Variants in PSPC1 observed in about 807,000 individuals in gnomAD.
The protein encoded by PSPC1 is paraspeckle component 1, also known as paraspeckle protein 1.
In PSPC1, 14 loss-of-function variants were observed where a neutral mutation model predicts 51.6. That is an observed-to-expected ratio of 0.27 (90% confidence interval 0.18 to 0.42). The LOEUF is 0.42. PSPC1 is among the 10% of genes least tolerant of loss of function. PSPC1 has a pLI of 1.00. For synonymous variants in PSPC1, 193 were observed against 231.9 expected, an observed-to-expected ratio of 0.83 and a Z score of 1.53; for missense variants, 406 against 701.1, an observed-to-expected ratio of 0.58 and a Z score of 4.75.
chr13:19,735,797 T>C (rs1884700421), intron 5 of PSPC1, among the ~76,000 whole-genome samples: 2 of 152,070 alleles, frequency 1.3e-5, no homozygotes, highest in Admixed American at 1.3e-4. Context: ...TTTTCTTTCC[T>C]TTATACATAC....
In PSPC1 at chr13:19,675,045, C is replaced by T. The variant is rs923513964; in HGVS notation, c.*77-61G>A. 2.0e-5 allele frequency: 3 copies of T among 152,664 alleles called. No individual in the cohort carries two copies. In the East Asian group the frequency reaches 5.8e-4, roughly 29 times the overall value. The allele number at this position is 152,664 out of a possible 1,614,324, so 9.5% of individuals were successfully genotyped here. A position where few individuals can be genotyped will look rare whatever the true frequency, so the allele number is the denominator to read the frequency against. On this transcript the variant is annotated intron_variant and NMD_transcript_variant, in intron 7 of 7. Coordinates refer to the PSPC1 transcript ENST00000471658. ...TGGAAACAAGATCAGGAAACAAGAT[C>T]AAGGACTCATCTGTCCGCCTGGCAC...
intron 6 of PSPC1, among the ~76,000 whole-genome samples, chr13:19,711,873 A>C (rs1314759758): frequency 6.6e-6 from 1 of 151,906 alleles, no homozygotes; most frequent in East Asian, 1.9e-4. Flanking sequence ...ACTGTAATAT[A>C]AAATTGCTAC....
At chr13:19,684,682 A>G (rs1340398258) in intron 6 of PSPC1, among the ~76,000 whole-genome samples, 2 of 152,214 alleles carry the variant, frequency 1.3e-5, no homozygotes, top group Non-Finnish European at 2.9e-5. Context: ...AATTACTCAA[A>G]TATCACTGCA....
intron 1 of PSPC1, among the ~76,000 whole-genome samples, chr13:19,777,633 A>G (rs1325259957): frequency 6.6e-6 from 1 of 151,946 alleles, no homozygotes; most frequent in East Asian, 1.9e-4. Context: ...AGCCACTTAC[A>G]TGTTGAAGTG....
chr13:19,732,793 G>A (rs1477625615), intron 5 of PSPC1, among the ~76,000 whole-genome samples: 1 of 152,058 alleles, frequency 6.6e-6, no homozygotes, highest in African/African-American at 2.4e-5. Flanking sequence ...TGGACGCGGT[G>A]GCACGTGCAT....
At chr13:19,736,538 CCA>C (rs1566010618) in intron 5 of PSPC1, among the ~76,000 whole-genome samples, 33 of 151,958 alleles carry the variant, frequency 2.2e-4, no homozygotes, top group African/African-American at 7.3e-4. Flanking sequence ...AAAAAATTAG[CCA>C]GGTGTGGTGA....
intron 1 of PSPC1, among the ~76,000 whole-genome samples, chr13:19,779,464 GAGCCCCTCAGCCC>G (rs1889635344): frequency 6.4e-5 from 3 of 46,568 alleles, no homozygotes; most frequent in Non-Finnish European, 1.4e-4. Context: ...GGGAAGTGAG[GAGCCCCTCAGCCC>G]GGCCAGCCAC....
chr13:19,773,940 A>C (rs1888854449), intron 1 of PSPC1, among the ~76,000 whole-genome samples: 1 of 152,092 alleles, frequency 6.6e-6, no homozygotes, highest in Non-Finnish European at 1.5e-5. Flanking sequence ...TACAGGTGTG[A>C]GCCATCTTGC....
At chr13:19,701,388 C>T (rs1276483878), downstream of PSPC1, among the ~76,000 whole-genome samples, 3 of 151,186 alleles carry the variant, frequency 2.0e-5, no homozygotes, top group South Asian at 2.1e-4. Context: ...TGTTAAAACT[C>T]CCCATACCCC....
At chr13:19,681,559 A>G (rs1409664871) in intron 6 of PSPC1, among the ~76,000 whole-genome samples, 1 of 152,234 alleles carries the variant, frequency 6.6e-6, no homozygotes, top group African/African-American at 2.4e-5. Context: ...ATGTTGAAAG[A>G]TGCCTAAAAG....
chr13:19,730,788 T>C (rs956734109), intron 5 of PSPC1, among the ~76,000 whole-genome samples: 8 of 151,348 alleles, frequency 5.3e-5, no homozygotes, highest in African/African-American at 1.5e-4. Flanking sequence ...TGAAACCCTA[T>C]CTCTACTAAA....
downstream of PSPC1, chr13:19,672,108 T>C: frequency 1.8e-6 from 1 of 551,138 alleles, no homozygotes; most frequent in South Asian, 2.6e-5. Flanking sequence ...ACAATGTGGA[T>C]AGTACATATG....
chr13:19,696,785 G>C (rs1023229), intron 6 of PSPC1, among the ~76,000 whole-genome samples: 1 of 152,150 alleles, frequency 6.6e-6, no homozygotes, highest in East Asian at 1.9e-4. Flanking sequence ...TACAAAAACA[G>C]TTACATTATT....
chr13:19,734,496 A>G (rs1884523797), intron 5 of PSPC1, among the ~76,000 whole-genome samples: 1 of 152,172 alleles, frequency 6.6e-6, no homozygotes, highest in South Asian at 2.1e-4. Context: ...ATAATTCGCT[A>G]AATGACTTAA....
exon 8 of PSPC1, chr13:19,674,870 A>G (rs1876455763): frequency 6.6e-6 from 1 of 152,252 alleles, no homozygotes; most frequent in African/African-American, 2.4e-5. Flanking sequence ...TGGAATTCAC[A>G]CTGCTTTCTA....
intron 4 of PSPC1, among the ~76,000 whole-genome samples, chr13:19,749,470 T>C (rs1220956232): frequency 6.0e-5 from 9 of 149,152 alleles, no homozygotes; most frequent in Non-Finnish European, 1.2e-4. Flanking sequence ...GAAGTTGCAG[T>C]GTGCCGAGAT....
chr13:19,725,556 T>A (rs1883278870), intron 6 of PSPC1, among the ~76,000 whole-genome samples: 2 of 152,090 alleles, frequency 1.3e-5, no homozygotes, highest in African/African-American at 4.8e-5. Flanking sequence ...CAATACAGTC[T>A]CACATAGTTG....
At chr13:19,706,301 T>C (rs1253535598) in intron 7 of PSPC1, among the ~76,000 whole-genome samples, 2 of 151,824 alleles carry the variant, frequency 1.3e-5, no homozygotes, top group Non-Finnish European at 2.9e-5. Flanking sequence ...AATATATAAA[T>C]AAAGATCATT....
At chr13:19,722,358 G>A (rs2137862852) in intron 6 of PSPC1, among the ~76,000 whole-genome samples, 1 of 152,098 alleles carries the variant, frequency 6.6e-6, no homozygotes. Flanking sequence ...TAATTAGGAG[G>A]GGCTGGTGTC....
Sources: allele counts gnomAD v4.1 joint callset (sites outside exome capture counted in the v4.1 genomes callset), GRCh38; gene constraint gnomAD v4.1.1; transcripts MANE v1.5; gene names NCBI Gene and HGNC (gene_info 2026-07-23, HGNC 2026-07-21).